Variants in GPHN observed in about 807,000 individuals in gnomAD.
GPHN encodes the protein gephyrin.
Under a neutral mutation model 95.5 loss-of-function variants are expected in GPHN, and 17 were observed. That is an observed-to-expected ratio of 0.18 (90% CI 0.12 to 0.27). The LOEUF is 0.27. Ranked by LOEUF, GPHN falls within the 10% of genes least tolerant of loss-of-function variation. GPHN has a pLI of 1.00. For missense variants in GPHN, 660 were observed against 978.1 expected, an observed-to-expected ratio of 0.67 and a Z score of 4.34; for synonymous variants, 320 against 322.5, an observed-to-expected ratio of 0.99 and a Z score of 0.08.
At chr14:67,052,129 A>G (rs1241935471) in intron 10 of GPHN, among the ~76,000 whole-genome samples, 3 of 152,198 alleles carry the variant, frequency 2.0e-5, no homozygotes, top group Non-Finnish European at 4.4e-5. Context: ...AATGTAAATG[A>G]GCTAAATGCC....
chr14:67,683,365 C>T, the GPHN span, among the ~76,000 whole-genome samples: 1 of 152,136 alleles, frequency 6.6e-6, no homozygotes, highest in East Asian at 1.9e-4. Context: ...ATAAATCTAT[C>T]TTCTTATACT....
At chr14:66,760,456 T>C (rs1246031262) in intron 2 of GPHN, 4 of 175,820 alleles carry the variant, frequency 2.3e-5, no homozygotes, top group Non-Finnish European at 4.8e-5. Flanking sequence ...ATCTATAAGT[T>C]TTTAATGAAT....
At chr14:67,693,196 G>A in the GPHN span, 2 of 534,674 alleles carry the variant, frequency 3.7e-6, no homozygotes, top group Non-Finnish European at 6.5e-6. Context: ...TCCATTTAAG[G>A]AAAGTTGGAG....
intron 1 of GPHN, among the ~76,000 whole-genome samples, chr14:66,595,317 A>G (rs1232595397): frequency 6.6e-6 from 1 of 152,238 alleles, no homozygotes; most frequent in African/African-American, 2.4e-5. Flanking sequence ...AAAGGAAATC[A>G]TATCAGTATC....
the GPHN span, among the ~76,000 whole-genome samples, chr14:67,474,911 CTTCT>C: frequency 1.6e-5 from 2 of 124,376 alleles, no homozygotes; most frequent in Non-Finnish European, 3.2e-5. Context: ...TCAGAATTTC[CTTCT>C]TTTTTTTTTT....
the GPHN span, among the ~76,000 whole-genome samples, chr14:67,710,305 C>G: frequency 1.3e-5 from 2 of 152,170 alleles, no homozygotes; most frequent in Non-Finnish European, 2.9e-5. Context: ...GAGAGATACA[C>G]AGATGTAGTA....
At chr14:67,647,167 T>C in the GPHN span, 1 of 574,248 alleles carries the variant, frequency 1.7e-6, no homozygotes, top group South Asian at 2.5e-5. Context: ...AGGCAAAATT[T>C]GAAACACAGG....
intron 5 of GPHN, among the ~76,000 whole-genome samples, chr14:66,900,981 G>A (rs1231209896): frequency 6.6e-6 from 1 of 151,936 alleles, no homozygotes; most frequent in African/African-American, 2.4e-5. Flanking sequence ...CTCCATAGTG[G>A]CTCTACTAAT....
intron 4 of GPHN, among the ~76,000 whole-genome samples, chr14:66,875,142 A>C (rs538795196): frequency 6.6e-6 from 1 of 152,216 alleles, no homozygotes; most frequent in African/African-American, 2.4e-5. Context: ...TCAGAATTTC[A>C]TATCTGGCCA....
Position 66,713,221 on chromosome 14 carries a change from A to G in GPHN, c.143+32036A>G, listed in dbSNP as rs113940675. Among the ~76,000 whole-genome samples the G allele has an allele frequency of 5.3e-4, 81 of 152,292 alleles. 1 individual carries two copies. The highest frequency in any genetic ancestry group is 1.6e-3 in the African/African-American group (66 of 41,562). ...GGTCATGAAATCCTTGCCTAAGCCAACGTGTAGAAGGGTTTTTCTGATGTT... is the reference window on the plus strand; with the variant it reads ...GGTCATGAAATCCTTGCCTAAGCCAGCGTGTAGAAGGGTTTTTCTGATGTT... On this transcript the variant is annotated intron_variant, in intron 2 of 22. Coordinates refer to ENST00000478722, the MANE Select transcript of GPHN (RefSeq NM_020806.5).
chr14:66,573,957 A>G (rs893957090), intron 1 of GPHN, among the ~76,000 whole-genome samples: 5 of 151,784 alleles, frequency 3.3e-5, no homozygotes, highest in African/African-American at 1.2e-4. Flanking sequence ...TTTTTTTTTT[A>G]AATATCCATT....
the GPHN span, among the ~76,000 whole-genome samples, chr14:67,622,219 TA>T: frequency 6.6e-6 from 1 of 152,248 alleles, no homozygotes; most frequent in Non-Finnish European, 1.5e-5. Flanking sequence ...TCTGGTGACA[TA>T]AGTGCAAAAT....
the GPHN span, chr14:67,726,076 C>A: frequency 6.2e-7 from 1 of 1,613,928 alleles, no homozygotes; most frequent in Non-Finnish European, 8.5e-7. Context: ...ATATTCTGAT[C>A]AACAATGCGG....
At chr14:67,475,956 C>T in the GPHN span, among the ~76,000 whole-genome samples, 3 of 152,230 alleles carry the variant, frequency 2.0e-5, no homozygotes, top group East Asian at 1.9e-4. Context: ...GTGGCCTTGA[C>T]GCAGGCCCGT....
intron 1 of GPHN, among the ~76,000 whole-genome samples, chr14:66,640,293 G>A (rs1408683115): frequency 3.3e-5 from 5 of 152,012 alleles, no homozygotes; most frequent in African/African-American, 4.8e-5. Flanking sequence ...GTGGTGGCAC[G>A]TGCCTGTAAT....
chr14:66,686,735 C>T (rs1424887292), intron 2 of GPHN, among the ~76,000 whole-genome samples: 2 of 152,082 alleles, frequency 1.3e-5, no homozygotes, highest in Non-Finnish European at 2.9e-5. Context: ...AATTGAATAC[C>T]CTTTATTTCT....
At chr14:67,322,644 G>A in the GPHN span, among the ~76,000 whole-genome samples, 4 of 152,070 alleles carry the variant, frequency 2.6e-5, no homozygotes, top group Admixed American at 1.3e-4. Flanking sequence ...ATAAATTTTT[G>A]ATTTAAGAGA....
rs772179756 is a variant in GPHN, at chr14:66,922,773, C to G, written c.564C>G (p.Ser188=). 31 of 1,613,570 alleles carry G rather than the reference C, an allele frequency of 1.9e-5. No homozygotes were observed. Among genetic ancestry groups the G allele is most frequent in the Non-Finnish European group, 2.5e-5 (30 of 1,179,606 alleles). The change falls in exon 7 of 23, where the codon TCC becomes TCG. Residue 188 remains serine (S), a synonymous_variant. Transcript: ENST00000478722. ...EVHDELEDLP[S]PPPPLSPPPT... ...ATGATGAACTTGAAGATTTGCCTTCCCCACCTCCCCCTCTTTCCCCTCCTC... is the reference window on the plus strand; with the variant it reads ...ATGATGAACTTGAAGATTTGCCTTCGCCACCTCCCCCTCTTTCCCCTCCTC...
chr14:66,872,995 C>T (rs1300866581), intron 4 of GPHN, among the ~76,000 whole-genome samples: 1 of 151,960 alleles, frequency 6.6e-6, no homozygotes, highest in African/African-American at 2.4e-5. Flanking sequence ...GGCAAGATGG[C>T]CAAATAGGAA....
Sources: allele counts gnomAD v4.1 joint callset (sites outside exome capture counted in the v4.1 genomes callset), GRCh38; gene constraint gnomAD v4.1.1; transcripts MANE v1.5; gene names NCBI Gene and HGNC (gene_info 2026-07-23, HGNC 2026-07-21).